The following MYOM2 variants were observed in gnomAD, a reference collection of about 807,000 sequenced individuals.
The protein encoded by MYOM2 is myomesin 2, also known as myomesin-2.
In MYOM2, 254 loss-of-function variants were observed where a neutral mutation model predicts 187.6. The ratio of observed to expected loss-of-function variants is 1.35; its 90% CI spans 1.22 to 1.50. MYOM2 has a LOEUF of 1.50. MYOM2 is among the 40% of genes most tolerant of loss of function. The pLI, the probability that MYOM2 is intolerant of heterozygous loss-of-function variation, is 0.00. For missense variants in MYOM2, 2,796 were observed against 1,924.0 expected, an observed-to-expected ratio of 1.45 and a Z score of -8.48; for synonymous variants, 981 against 753.8, an observed-to-expected ratio of 1.30 and a Z score of -4.94.
intron 12 of MYOM2, 79 bp from the exon 13 acceptor site, chr8:2,079,481 G>A: frequency 7.2e-7 from 1 of 1,379,986 alleles, no homozygotes; most frequent in Non-Finnish European, 1.0e-6. Flanking sequence ...GAGATGCAGA[G>A]CTGGCACAGA....
chr8:2,085,551 TCA>T (rs1563444734), intron 14 of MYOM2, among the ~76,000 whole-genome samples, 161 bp downstream of exon 14: 1 of 62,562 alleles, frequency 1.6e-5, no homozygotes, highest in Non-Finnish European at 2.8e-5. Context: ...GGCCCCACTG[TCA>T]TGATCTCTGC....
At chr8:2,077,475 C>T (rs895048645) in intron 11 of MYOM2, among the ~76,000 whole-genome samples, 11 of 152,046 alleles carry the variant, frequency 7.2e-5, no homozygotes, top group African/African-American at 2.4e-4. Context: ...TTTGTTTATG[C>T]TGATTAAATT....
In MYOM2 at chr8:2,058,725, A is replaced by G. The variant is rs1585829047; in HGVS notation, c.561-428A>G. 2.6e-5 allele frequency among the ~76,000 whole-genome samples: 4 copies of G among 151,972 alleles called. No individual in the cohort carries two copies. In the South Asian group the frequency reaches 8.3e-4, roughly 32 times the overall value. ...TCTTGATGCGGAGGTGCTGGGGTGG[A>G]TGTGGTCCTGCCTCCTGGATGGAGC... On this transcript the variant is annotated intron_variant, in intron 5 of 36. Transcript: ENST00000262113.
intron 11 of MYOM2, among the ~76,000 whole-genome samples, chr8:2,077,108 A>G (rs1819452621): frequency 6.6e-6 from 1 of 152,126 alleles, no homozygotes; most frequent in South Asian, 2.1e-4. Flanking sequence ...TCAGGAGATC[A>G]AGAGCATGCT....
intron 6 of MYOM2, 27 bp downstream of exon 6, chr8:2,059,272 G>A (rs376667162): frequency 6.2e-6 from 10 of 1,601,572 alleles, no homozygotes; most frequent in African/African-American, 2.7e-5. Flanking sequence ...GGCTCTGGAC[G>A]CTGGCGTCCA....
chr8:2,145,248 A>G lies in MYOM2; in HGVS notation c.*267A>G. 1.8e-6 allele frequency: 1 copy of G among 558,652 alleles called. No individual in the cohort carries two copies. Among genetic ancestry groups the G allele is most frequent in the South Asian group, 2.4e-5 (1 of 41,606 alleles). The allele number at this position is 558,652 out of a possible 1,614,324, so 34.6% of individuals were successfully genotyped here. ...CTGACAGAGAGTGGGTTGGCAGACAACACACTAGAATTTTCACGGGTGTGG... is the reference window on the plus strand; with the variant it reads ...CTGACAGAGAGTGGGTTGGCAGACAGCACACTAGAATTTTCACGGGTGTGG... On this transcript the variant is annotated 3_prime_UTR_variant, in exon 37 of 37. Coordinates refer to ENST00000262113, the MANE Select transcript of MYOM2 (RefSeq NM_003970.4).
chr8:2,070,855 T>C (rs1819189750), intron 8 of MYOM2, among the ~76,000 whole-genome samples: 2 of 152,262 alleles, frequency 1.3e-5, no homozygotes, highest in Admixed American at 1.3e-4. Context: ...TAGCTTCAAT[T>C]ATTTTCCAAG....
chr8:2,124,203 TGAGTA>T lies in MYOM2; in HGVS notation c.3685_3689del (p.Arg1229LeufsTer40). 1 of 1,612,954 alleles carries T rather than the reference TGAGTA, an allele frequency of 6.2e-7. No homozygotes were observed. The highest frequency in any genetic ancestry group is 1.1e-5 in the South Asian group (1 of 90,782). The stretch of plus-strand genomic sequence containing the variant: ...GTGTATGATGATATGATTTTGGCAA[TGAGTA>T]GAGTCTGTGGTAAGTAAATGCCTTT... On this transcript the variant is annotated frameshift_variant, in exon 31 of 37. Coordinates refer to ENST00000262113, the MANE Select transcript of MYOM2 (RefSeq NM_003970.4). LOFTEE classifies it high-confidence loss of function.
intron 13 of MYOM2, among the ~76,000 whole-genome samples, chr8:2,080,308 C>T (rs1305175904): frequency 1.3e-5 from 2 of 152,220 alleles, no homozygotes; most frequent in African/African-American, 4.8e-5. Context: ...CAGCCGTGTT[C>T]TCTCTCCTAG....
intron 34 of MYOM2, 98 bp downstream of exon 34, chr8:2,141,275 C>G (rs573223836): frequency 2.9e-6 from 3 of 1,037,948 alleles, no homozygotes; most frequent in African/African-American, 3.1e-5. Flanking sequence ...CCTGGGTGAC[C>G]TAAAGAAAGA....
At chr8:2,098,555 C>T (rs1450142473) in intron 18 of MYOM2, among the ~76,000 whole-genome samples, 4 of 152,176 alleles carry the variant, frequency 2.6e-5, no homozygotes, top group Non-Finnish European at 4.4e-5. Flanking sequence ...CTCTGGGCCT[C>T]AGTTTCCTTA....
intron 28 of MYOM2, among the ~76,000 whole-genome samples, chr8:2,122,017 ATATT>A (rs1195125928): frequency 6.6e-6 from 1 of 152,224 alleles, no homozygotes; most frequent in Non-Finnish European, 1.5e-5. Context: ...TTAATTACAG[ATATT>A]TATTTCAGAA....
chr8:2,088,103 A>G (rs1385770220), intron 14 of MYOM2, among the ~76,000 whole-genome samples: 1 of 151,868 alleles, frequency 6.6e-6, no homozygotes, highest in Non-Finnish European at 1.5e-5. Context: ...ATTTGGTTAC[A>G]TGAGTAAGCT....
intron 31 of MYOM2, among the ~76,000 whole-genome samples, chr8:2,127,250 G>A (rs1280562926): frequency 1.3e-5 from 2 of 152,102 alleles, no homozygotes. Context: ...CCGAGTAGAG[G>A]AAACAGAGTC....
At chr8:2,095,160 T>C (rs1796436115) in intron 17 of MYOM2, among the ~76,000 whole-genome samples, 1 of 152,220 alleles carries the variant, frequency 6.6e-6, no homozygotes, top group African/African-American at 2.4e-5. Context: ...TCAAATCTGA[T>C]AACATCTAGC....
Position 2,096,290 on chromosome 8 carries a change from C to A in MYOM2, c.2169C>A (p.Asp723Glu), listed in dbSNP as rs774305223. 6.2e-7 allele frequency: 1 copy of A among 1,614,164 alleles called. No homozygotes were observed. Among genetic ancestry groups the A allele is most frequent in the Non-Finnish European group, 8.5e-7 (1 of 1,180,028 alleles). ...HPYGITLLNC[D>E]GHSMTLGWKV... The stretch of plus-strand genomic sequence containing the variant: ...ATGGGATTACGCTCCTCAACTGTGA[C>A]GGCCACTCCATGACCCTCGGCTGGA... The change falls in exon 18 of 37, where the codon GAC becomes GAA. Residue 723 changes from aspartate to glutamate, a missense_variant. Asp to Glu is a conservative substitution (Grantham distance 45, BLOSUM62 2). Coordinates refer to ENST00000262113, the MANE Select transcript of MYOM2 (RefSeq NM_003970.4).
chr8:2,125,952 G>A (rs1159074629), intron 31 of MYOM2, among the ~76,000 whole-genome samples: 2 of 151,810 alleles, frequency 1.3e-5, no homozygotes, highest in Admixed American at 6.6e-5. Context: ...AAACAACATC[G>A]AAATTTTGAT....
Position 2,078,780 on chromosome 8 carries a change from G to C in MYOM2, c.1309G>C (p.Val437Leu), listed in dbSNP as rs1819521713. Reference protein sequence around the residue: ...NNWVQCNDAPVKICKYPVTGL... With the variant: ...NNWVQCNDAPLKICKYPVTGL... Reference sequence around the variant, plus strand: ...TTGGGTGCAGTGCAATGATGCACCGGTGAAAATCTGCAAATACCCGGTCAC... The same window carrying C: ...TTGGGTGCAGTGCAATGATGCACCGCTGAAAATCTGCAAATACCCGGTCAC... Residue 437 changes from valine (V) to leucine (L), a missense_variant, in exon 12 of 37, where the codon GTG becomes CTG. By Grantham distance (32) the Val-to-Leu change is conservative. Coordinates refer to ENST00000262113, the MANE Select transcript of MYOM2 (RefSeq NM_003970.4). 1 of 1,614,180 alleles carries C rather than the reference G, an allele frequency of 6.2e-7. No homozygotes were observed. The highest frequency in any genetic ancestry group is 8.5e-7 in the Non-Finnish European group (1 of 1,180,032).
intron 11 of MYOM2, among the ~76,000 whole-genome samples, chr8:2,076,874 G>T (rs1323774316): frequency 6.6e-6 from 1 of 152,238 alleles, no homozygotes; most frequent in African/African-American, 2.4e-5. Flanking sequence ...CCGTACTGGG[G>T]ACAGCGCTTG....
Sources: gnomAD v4.1 joint callset for allele counts (sites outside exome capture counted in the v4.1 genomes callset) on GRCh38, gnomAD v4.1.1 for gene constraint, MANE v1.5 for transcripts, NCBI Gene and HGNC (gene_info 2026-07-23, HGNC 2026-07-21) for gene names.